The following RIT2 variants were observed in gnomAD, a reference collection of about 807,000 sequenced individuals.
RIT2 encodes GTP-binding protein Rit2.
A neutral mutation model predicts 23.7 loss-of-function variants in RIT2; 24 were observed. That is an observed-to-expected ratio of 1.01 (90% CI 0.73 to 1.43). The LOEUF is 1.43. Among genes scored for constraint, RIT2 ranks in the 40% most tolerant of loss-of-function variants. The pLI, the probability that RIT2 is intolerant of heterozygous loss-of-function variation, is 0.00. For synonymous variants in RIT2, 107 were observed against 91.1 expected (o/e 1.17, Z -0.99); for missense variants, 236 against 266.9 (o/e 0.88, Z 0.81).
rs1202763499 is a variant in RIT2, at chr18:42,872,314, TTC to T, written c.426+51256_426+51257del. Among the ~76,000 whole-genome samples, 16 of 152,196 alleles carry T rather than the reference TTC, an allele frequency of 1.1e-4. No individual in the cohort carries two copies. The East Asian group carries it at 3.1e-3, about 29-fold the overall frequency. On this transcript the variant is annotated intron_variant, in intron 4 of 4. Coordinates refer to ENST00000326695, the MANE Select transcript of RIT2 (RefSeq NM_002930.4). Reference sequence around the variant, plus strand: ...CTCAAATGTGATCAAGACCTAATTTTTCTCTCTTTCTTCCTCTCTATCCATTG... The same window carrying T: ...CTCAAATGTGATCAAGACCTAATTTTTCTCTTTCTTCCTCTCTATCCATTG...
At chr18:42,794,396 A>G (rs996509380) in intron 4 of RIT2, among the ~76,000 whole-genome samples, 1 of 152,224 alleles carries the variant, frequency 6.6e-6, no homozygotes, top group African/African-American at 2.4e-5. Context: ...AGTCATTTAT[A>G]TGATATCATA....
chr18:42,924,408 G>A (rs1909131314), intron 3 of RIT2, among the ~76,000 whole-genome samples: 1 of 151,386 alleles, frequency 6.6e-6, no homozygotes, highest in African/African-American at 2.4e-5. Context: ...GCTGAGGGAT[G>A]GATCAGTTTC....
chr18:42,785,654 T>A (rs538445), intron 4 of RIT2, among the ~76,000 whole-genome samples: 2 of 151,940 alleles, frequency 1.3e-5, no homozygotes, highest in Non-Finnish European at 2.9e-5. Flanking sequence ...TTTGAGCATA[T>A]GTGGAACTCA....
intron 3 of RIT2, among the ~76,000 whole-genome samples, chr18:42,955,191 A>G (rs1909944345): frequency 6.6e-6 from 1 of 152,210 alleles, no homozygotes; most frequent in Non-Finnish European, 1.5e-5. Flanking sequence ...CTGTCACCAC[A>G]GATTGAAATT....
rs58941113 is a variant in RIT2 at position 43,065,218 on chromosome 18, GTTT to G, written c.104-31354_104-31352del. On this transcript the variant is annotated intron_variant, in intron 1 of 4. Transcript: ENST00000326695. ...TTCAGCTTCACTTTCACTTTTTTGG[GTTT>G]TTTTTTTTTTTTTTTTTTTTTTAGA... Among the ~76,000 whole-genome samples, 204 of 81,646 alleles carry G rather than the reference GTTT, an allele frequency of 2.5e-3. 1 individual carries two copies. The highest frequency in any genetic ancestry group is 3.2e-3 in the Non-Finnish European group (134 of 41,872). 53.6% of individuals were successfully genotyped at this position (81,646 alleles called of 152,430 possible). A position where few individuals can be genotyped will look rare whatever the true frequency, so the allele number is the denominator to read the frequency against.
chr18:42,999,901 T>C (rs1206503142), intron 2 of RIT2, among the ~76,000 whole-genome samples: 1 of 152,040 alleles, frequency 6.6e-6, no homozygotes, highest in African/African-American at 2.4e-5. Context: ...CACACTAACA[T>C]TTGTAAAGAA....
At chr18:42,973,264 G>T (rs544215902) in intron 3 of RIT2, among the ~76,000 whole-genome samples, 9 of 151,430 alleles carry the variant, frequency 5.9e-5, no homozygotes, top group Non-Finnish European at 1.2e-4. Context: ...CTGATATTTT[G>T]ATATGTGTAC....
intron 2 of RIT2, among the ~76,000 whole-genome samples, chr18:43,001,687 G>C (rs981241564): frequency 2.6e-5 from 4 of 151,954 alleles, no homozygotes; most frequent in African/African-American, 9.7e-5. Flanking sequence ...TTTATCTGGA[G>C]ACTTGAAAGT....
chr18:42,936,754 G>A (rs1284158047), intron 3 of RIT2, among the ~76,000 whole-genome samples: 1 of 152,156 alleles, frequency 6.6e-6, no homozygotes, highest in Non-Finnish European at 1.5e-5. Context: ...GCTCACGCCT[G>A]TAATCCCAGC....
intron 4 of RIT2, among the ~76,000 whole-genome samples, chr18:42,806,215 T>A (rs1905680375): frequency 6.6e-6 from 1 of 151,446 alleles, no homozygotes; most frequent in Admixed American, 6.6e-5. Context: ...ATGCTTGTAA[T>A]CCCAGCACTT....
chr18:42,835,315 C>T (rs1296403373), intron 4 of RIT2, among the ~76,000 whole-genome samples: 1 of 152,036 alleles, frequency 6.6e-6, no homozygotes, highest in African/African-American at 2.4e-5. Flanking sequence ...CATTTACACA[C>T]ACACACTCAC....
At chr18:43,041,525 G>C (rs1009076034) in intron 1 of RIT2, among the ~76,000 whole-genome samples, 1 of 152,024 alleles carries the variant, frequency 6.6e-6, no homozygotes, top group African/African-American at 2.4e-5. Context: ...TGTAAATGTA[G>C]TGTTTCCAAG....
intron 2 of RIT2, among the ~76,000 whole-genome samples, chr18:42,978,576 A>G (rs78566708): frequency 6.6e-6 from 1 of 152,156 alleles, no homozygotes; most frequent in Admixed American, 6.6e-5. Flanking sequence ...TATCTTCTCA[A>G]GCATGAGGCC....
intron 1 of RIT2, among the ~76,000 whole-genome samples, chr18:43,105,729 G>T (rs1248927070): frequency 6.6e-6 from 1 of 152,104 alleles, no homozygotes; most frequent in Non-Finnish European, 1.5e-5. Flanking sequence ...ATCCATTTAC[G>T]TTATAAACTT....
chr18:43,083,632 G>A (rs962681687), intron 1 of RIT2, among the ~76,000 whole-genome samples: 1 of 152,126 alleles, frequency 6.6e-6, no homozygotes, highest in Non-Finnish European at 1.5e-5. Context: ...AAGCAATGGG[G>A]AATGGATTTC....
chr18:42,899,522 G>A (rs770371318), intron 4 of RIT2, among the ~76,000 whole-genome samples: 2 of 151,904 alleles, frequency 1.3e-5, no homozygotes, highest in Non-Finnish European at 2.9e-5. Flanking sequence ...AGCTGCTTAT[G>A]AAAAGGCTTC....
intron 1 of RIT2, among the ~76,000 whole-genome samples, chr18:43,040,923 C>T (rs1031878263): frequency 2.0e-5 from 3 of 151,934 alleles, no homozygotes; most frequent in Non-Finnish European, 2.9e-5. Context: ...TGAATAAGCC[C>T]CTTTTAATTT....
At chr18:42,836,253 C>T (rs1280323456) in intron 4 of RIT2, among the ~76,000 whole-genome samples, 1 of 151,928 alleles carries the variant, frequency 6.6e-6, no homozygotes, top group East Asian at 1.9e-4. Flanking sequence ...TTGGAGGTCA[C>T]AGTGGGTTTA....
At chr18:42,799,010 G>A (rs1905453135) in intron 4 of RIT2, among the ~76,000 whole-genome samples, 1 of 152,274 alleles carries the variant, frequency 6.6e-6, no homozygotes, top group South Asian at 2.1e-4. Flanking sequence ...TTTAGTTTTA[G>A]TGTTTGTTTG....
Sources: allele counts gnomAD v4.1 joint callset (sites outside exome capture counted in the v4.1 genomes callset), GRCh38; gene constraint gnomAD v4.1.1; transcripts MANE v1.5; gene names NCBI Gene and HGNC (gene_info 2026-07-23, HGNC 2026-07-21).